RIMS1: variants seen among roughly 807,000 people sequenced by gnomAD.
RIMS1 encodes the protein regulating synaptic membrane exocytosis 1, also known as regulating synaptic membrane exocytosis protein 1.
RIMS1 carries 83 observed loss-of-function variants against 214.1 expected under a neutral mutation model. The ratio of observed to expected loss-of-function variants is 0.39; its 90% CI spans 0.32 to 0.47. The LOEUF is 0.47. Among genes scored for constraint, RIMS1 ranks in the 20% least tolerant of loss-of-function variants. The pLI is 0.99. For missense variants in RIMS1, 2,050 were observed against 2,161.8 expected, an observed-to-expected ratio of 0.95 and a Z score of 1.03; for synonymous variants, 793 against 786.8, an observed-to-expected ratio of 1.01 and a Z score of -0.13.
intron 29 of RIMS1, among the ~76,000 whole-genome samples, chr6:72,374,027 G>A (rs2098298518): frequency 6.6e-6 from 1 of 152,008 alleles, no homozygotes; most frequent in South Asian, 2.1e-4. Context: ...TGATTCTTCT[G>A]CCTCAGCCTC....
At chr6:72,135,453 A>C (rs1053654494) in intron 4 of RIMS1, among the ~76,000 whole-genome samples, 5 of 152,190 alleles carry the variant, frequency 3.3e-5, no homozygotes, top group Non-Finnish European at 5.9e-5. Flanking sequence ...TAAAGAAAAA[A>C]TGCAGCAGCT....
At chr6:72,283,187 G>C (rs1445869354) in intron 23 of RIMS1, among the ~76,000 whole-genome samples, 1 of 151,996 alleles carries the variant, frequency 6.6e-6, no homozygotes, top group East Asian at 1.9e-4. Context: ...CACATTCCTA[G>C]GGTTTCTCTC....
chr6:72,190,955 G>A (rs1317502859), intron 6 of RIMS1, among the ~76,000 whole-genome samples: 1 of 152,198 alleles, frequency 6.6e-6, no homozygotes, highest in Non-Finnish European at 1.5e-5. Flanking sequence ...GAAGACAGCA[G>A]GGCCTTGTTC....
intron 1 of RIMS1, among the ~76,000 whole-genome samples, chr6:71,942,533 A>C (rs927054096): frequency 6.6e-6 from 1 of 152,170 alleles, no homozygotes; most frequent in African/African-American, 2.4e-5. Flanking sequence ...TTTTATGTAC[A>C]TTATATATTA....
chr6:72,073,851 T>A (rs1831152452), intron 2 of RIMS1, among the ~76,000 whole-genome samples: 1 of 152,240 alleles, frequency 6.6e-6, no homozygotes. Flanking sequence ...AGGTCATTGC[T>A]TTGCCCCCTT....
At chr6:71,968,920 T>A in intron 1 of RIMS1, 63 bp from the exon 2 acceptor site, 1 of 1,459,508 alleles carries the variant, frequency 6.9e-7, no homozygotes, top group Non-Finnish European at 9.6e-7. Flanking sequence ...GTGTTTAATT[T>A]CTAGATGTGT....
chr6:72,000,930 G>T (rs1243735315), intron 2 of RIMS1, among the ~76,000 whole-genome samples: 2 of 151,252 alleles, frequency 1.3e-5, no homozygotes, highest in African/African-American at 2.4e-5. Flanking sequence ...CTACTATTAT[G>T]TTGCACATAC....
At chr6:72,236,802 G>A (rs1220135228) in intron 8 of RIMS1, among the ~76,000 whole-genome samples, 54 of 117,786 alleles carry the variant, frequency 4.6e-4, no homozygotes, top group Non-Finnish European at 7.7e-4. Context: ...AAAAAAAAAA[G>A]CAATGTTTTA....
chr6:72,267,540 T>C (rs1269997512), intron 22 of RIMS1, among the ~76,000 whole-genome samples: 1 of 152,144 alleles, frequency 6.6e-6, no homozygotes, highest in Non-Finnish European at 1.5e-5. Flanking sequence ...ATACAAACTA[T>C]TAGATATTTT....
At chr6:72,219,872 T>A (rs2057806553) in intron 6 of RIMS1, among the ~76,000 whole-genome samples, 1 of 152,074 alleles carries the variant, frequency 6.6e-6, no homozygotes, top group African/African-American at 2.4e-5. Context: ...ATATAAAGTT[T>A]GTTATTATAT....
intron 29 of RIMS1, among the ~76,000 whole-genome samples, chr6:72,364,781 A>C (rs1026861131): frequency 2.0e-5 from 3 of 152,216 alleles, no homozygotes; most frequent in African/African-American, 7.2e-5. Flanking sequence ...TTGGGGTTCT[A>C]TGGGAGACTA....
At chr6:72,382,486 A>G (rs376244847) in intron 29 of RIMS1, among the ~76,000 whole-genome samples, 1 of 152,222 alleles carries the variant, frequency 6.6e-6, no homozygotes, top group Admixed American at 6.5e-5. Context: ...CAATATTACT[A>G]TATTATATTG....
intron 7 of RIMS1, among the ~76,000 whole-genome samples, chr6:72,235,263 CATCCTATAATGCTA>C (rs1000970537): frequency 3.3e-5 from 5 of 151,990 alleles, no homozygotes; most frequent in African/African-American, 1.2e-4. Context: ...TAACTATAGT[CATCCTATAATGCTA>C]TAGAACACCA....
intron 4 of RIMS1, among the ~76,000 whole-genome samples, chr6:72,150,195 C>CA (rs11423317): frequency 0.61 from 88,125 of 144,158 alleles, 27,144 homozygotes; most frequent in East Asian, 0.83. Flanking sequence ...TGTGAGTATG[C>CA]AAAAAAAAAA....
At chr6:72,030,750 C>T (rs2152007045) in intron 2 of RIMS1, among the ~76,000 whole-genome samples, 1 of 151,998 alleles carries the variant, frequency 6.6e-6, no homozygotes, top group South Asian at 2.1e-4. Context: ...ACAATTATGC[C>T]ATATAAATAG....
chr6:72,317,809 A>G (rs1207550467), intron 28 of RIMS1, among the ~76,000 whole-genome samples: 1 of 152,164 alleles, frequency 6.6e-6, no homozygotes, highest in African/African-American at 2.4e-5. Flanking sequence ...TCTTTTGCCT[A>G]TTCGATTTGG....
chr6:71,918,681 G>T (rs144395219), intron 1 of RIMS1, among the ~76,000 whole-genome samples: 60 of 152,194 alleles, frequency 3.9e-4, no homozygotes, highest in Middle Eastern at 6.8e-3. Flanking sequence ...TCTTGATGGT[G>T]TACAGAAGAA....
chr6:71,947,605 A>C (rs980951971), intron 1 of RIMS1, among the ~76,000 whole-genome samples: 2 of 152,080 alleles, frequency 1.3e-5, no homozygotes, highest in Non-Finnish European at 2.9e-5. Flanking sequence ...GATAGGAGCA[A>C]TAAGTTTAAG....
chr6:72,212,808 C>T (rs956520428), intron 6 of RIMS1: 3 of 1,040,592 alleles, frequency 2.9e-6, no homozygotes, highest in Non-Finnish European at 2.3e-6. Flanking sequence ...TATGCTTCTC[C>T]TCAGTAAATG....
Sources: gnomAD v4.1 joint callset for allele counts (sites outside exome capture counted in the v4.1 genomes callset) on GRCh38, gnomAD v4.1.1 for gene constraint, MANE v1.5 for transcripts, NCBI Gene and HGNC (gene_info 2026-07-23, HGNC 2026-07-21) for gene names.